Variants in CLIP2 observed in about 807,000 individuals in gnomAD.
CLIP2 encodes CAP-Gly domain-containing linker protein 2.
Under a neutral mutation model 111.7 loss-of-function variants are expected in CLIP2, and 41 were observed. The ratio of observed to expected loss-of-function variants is 0.37; its 90% CI spans 0.29 to 0.48. The LOEUF is 0.48. CLIP2 is among the 20% of genes least tolerant of loss of function. The probability of loss-of-function intolerance (pLI) is 0.99; values close to 1 mark genes in which losing one functional copy is unlikely to be tolerated. For synonymous variants in CLIP2, 660 were observed against 644.2 expected, an observed-to-expected ratio of 1.02 and a Z score of -0.37; for missense variants, 1,160 against 1,422.1, an observed-to-expected ratio of 0.82 and a Z score of 2.96.
chr7:74,382,961 T>A (rs1554314179), intron 11 of CLIP2, among the ~76,000 whole-genome samples: 1 of 150,958 alleles, frequency 6.6e-6, no homozygotes, highest in Non-Finnish European at 1.5e-5. Flanking sequence ...GCAGCTATAG[T>A]CCCAGATACT....
At chr7:74,339,284 A>AT (rs1383622126) in intron 3 of CLIP2, among the ~76,000 whole-genome samples, 24 of 129,044 alleles carry the variant, frequency 1.9e-4, no homozygotes, top group Non-Finnish European at 3.9e-4. Context: ...ATATTTATTT[A>AT]TTTACTTATT....
chr7:74,375,479 G>A (rs1790747685), intron 9 of CLIP2, among the ~76,000 whole-genome samples: 1 of 145,822 alleles, frequency 6.9e-6, no homozygotes, highest in South Asian at 2.2e-4. Flanking sequence ...CTTGAACCTG[G>A]GAAGTAGAGG....
Position 74,389,215 on chromosome 7 carries a change from G to T in CLIP2, c.2676G>T (p.Ser892=). 6.2e-7 allele frequency: 1 copy of T among 1,611,612 alleles called. No homozygotes were observed. Among genetic ancestry groups the T allele is most frequent in the Non-Finnish European group, 8.5e-7 (1 of 1,179,172 alleles). ...TGTCCCGGAAGACCCATGACGCCTC[G>T]GGCCAGCTAGTCCTCATCAGCCAGG... is the stretch of plus-strand genomic sequence containing the variant. ...ETVSRKTHDA[S]GQLVLISQEL... The change falls in exon 13 of 17, where the codon TCG becomes TCT. Residue 892 remains serine (S), a synonymous_variant. Transcript: ENST00000223398.
chr7:74,380,988 C>T, intron 11 of CLIP2, 125 bp downstream of exon 11: 1 of 919,266 alleles, frequency 1.1e-6, no homozygotes, highest in Non-Finnish European at 1.8e-6. Flanking sequence ...CTCCTGTGTG[C>T]TGTGAGCTAT....
chr7:74,389,389 G>A (rs1791211601), intron 13 of CLIP2, 130 bp downstream of exon 13: 4 of 869,908 alleles, frequency 4.6e-6, no homozygotes, highest in Non-Finnish European at 6.8e-6. Context: ...CCGATCTCGA[G>A]CGATCACCCT....
At chr7:74,353,137 C>T (rs1554307858) in intron 3 of CLIP2, among the ~76,000 whole-genome samples, 1 of 151,460 alleles carries the variant, frequency 6.6e-6, no homozygotes, top group Non-Finnish European at 1.5e-5. Context: ...GGCAACAGAG[C>T]AGGACCCTAT....
At chr7:74,357,133 G>A in intron 5 of CLIP2, 147 bp from the exon 6 acceptor site, 1 of 654,304 alleles carries the variant, frequency 1.5e-6, no homozygotes, top group African/African-American at 1.8e-5. Context: ...GGATGTCAGA[G>A]TACTGGCAGG....
intron 2 of CLIP2, among the ~76,000 whole-genome samples, chr7:74,320,388 G>A (rs1788915207): frequency 6.6e-6 from 1 of 151,800 alleles, no homozygotes; most frequent in African/African-American, 2.4e-5. Context: ...TAGGCACGGT[G>A]GTGTATACCT....
chr7:74,315,350 ACT>A (rs1491103511), intron 1 of CLIP2, among the ~76,000 whole-genome samples: 1 of 141,164 alleles, frequency 7.1e-6, no homozygotes, highest in Admixed American at 7.0e-5. Context: ...AGCATCACAC[ACT>A]TTTTTTTTTT....
At chr7:74,313,022 G>GA (rs1287297531) in intron 1 of CLIP2, among the ~76,000 whole-genome samples, 68 of 144,290 alleles carry the variant, frequency 4.7e-4, no homozygotes, top group Non-Finnish European at 6.9e-4. Context: ...ATAGGTTTAG[G>GA]AAAAAAAAAA....
At chr7:74,348,662 C>T (rs1278426281) in intron 3 of CLIP2, among the ~76,000 whole-genome samples, 1 of 151,572 alleles carries the variant, frequency 6.6e-6, no homozygotes, top group African/African-American at 2.4e-5. Flanking sequence ...TGGTGGCGGG[C>T]GCCTGTAGTC....
rs200947267 is a variant in CLIP2 at position 74,351,081 on chromosome 7, AAGAAAAAG to A, written c.679-2797_679-2790del. On this transcript the variant is annotated intron_variant, in intron 3 of 16. Transcript: ENST00000223398. ...AGAAAGAAAGAGAAAGAAAGAAAGAAAGAAAAAGAAGGAAGGGAAGGGAAGGAAGGGAA... is the reference window on the plus strand; with the variant it reads ...AGAAAGAAAGAGAAAGAAAGAAAGAAAAGGAAGGGAAGGGAAGGAAGGGAA... Among the ~76,000 whole-genome samples, 210 of 26,670 alleles carry A rather than the reference AAGAAAAAG, an allele frequency of 7.9e-3. 1 individual carries two copies. The highest frequency in any genetic ancestry group is 0.013 in the African/African-American group (202 of 15,442). The allele number at this position is 26,670 out of a possible 152,430, so 17.5% of individuals were successfully genotyped here.
rs545637031 is a variant in CLIP2, at chr7:74,381,630, G to A, written c.2479+767G>A. On this transcript the variant is annotated intron_variant, in intron 11 of 16. Transcript: ENST00000223398. Reference sequence around the variant, plus strand: ...CCCCTTTCCAGAAATATTTTGTGCAGGTACGAGCAAGCAAGTGACACAAAT... The same window carrying A: ...CCCCTTTCCAGAAATATTTTGTGCAAGTACGAGCAAGCAAGTGACACAAAT... The A allele has an allele frequency of 1.3e-5, 6 of 456,120 alleles. No individual in the cohort carries two copies. In the Middle Eastern group the frequency reaches 1.3e-3, roughly 98 times the overall value. 28.3% of individuals were successfully genotyped at this position (456,120 alleles called of 1,614,324 possible).
chr7:74,377,320 G>A (rs1454404741), intron 10 of CLIP2, among the ~76,000 whole-genome samples: 2 of 152,230 alleles, frequency 1.3e-5, no homozygotes, highest in Admixed American at 6.5e-5. Flanking sequence ...CGGTGCCAAC[G>A]AGTACTTCCC....
chr7:74,401,474 C>G, intron 15 of CLIP2, 31 bp from the exon 16 acceptor site: 4 of 1,611,360 alleles, frequency 2.5e-6, no homozygotes, highest in South Asian at 1.1e-5. Context: ...GCCTGGTGCA[C>G]CTGGCTCAGT....
At chr7:74,344,761 G>A (rs1789756716) in intron 3 of CLIP2, among the ~76,000 whole-genome samples, 1 of 152,110 alleles carries the variant, frequency 6.6e-6, no homozygotes, top group Admixed American at 6.6e-5. Context: ...TTACAGAGCA[G>A]CAGGATCCAA....
chr7:74,359,065 G>T (rs1554309156), intron 6 of CLIP2, among the ~76,000 whole-genome samples: 1 of 151,570 alleles, frequency 6.6e-6, no homozygotes, highest in Non-Finnish European at 1.5e-5. Flanking sequence ...CTGGATTCAA[G>T]CAATTCTCCT....
intron 3 of CLIP2, among the ~76,000 whole-genome samples, chr7:74,348,323 G>A (rs1334852829): frequency 6.6e-6 from 1 of 152,090 alleles, no homozygotes; most frequent in African/African-American, 2.4e-5. Flanking sequence ...AGGGCCCCTA[G>A]GAGCCCAGGA....
Position 74,317,397 on chromosome 7 carries a change from G to A in CLIP2, c.-67-83G>A, listed in dbSNP as rs1039327541. ...TTGCCTCGTCCAGCCCACCTCAGGA[G>A]GGATGTGTGTTGCTTGATGGCCCTT... On this transcript the variant is annotated intron_variant, in intron 1 of 16. Coordinates refer to ENST00000223398, the MANE Select transcript of CLIP2 (RefSeq NM_003388.5). 5.3e-6 allele frequency: 5 copies of A among 952,364 alleles called. No individual in the cohort carries two copies. The African/African-American group carries it at 6.7e-5, about 13-fold the overall frequency. The allele number at this position is 952,364 out of a possible 1,614,324, so 59.0% of individuals were successfully genotyped here.
Sources: gnomAD v4.1 joint callset for allele counts (sites outside exome capture counted in the v4.1 genomes callset) on GRCh38, gnomAD v4.1.1 for gene constraint, MANE v1.5 for transcripts, NCBI Gene and HGNC (gene_info 2026-07-23, HGNC 2026-07-21) for gene names.